The following TPM4 variants were observed in gnomAD, a reference collection of about 807,000 sequenced individuals.
TPM4 encodes the protein tropomyosin alpha-4 chain.
Under a neutral mutation model 35.8 loss-of-function variants are expected in TPM4, and 17 were observed. That is an observed-to-expected ratio of 0.47 (90% CI 0.32 to 0.71). The LOEUF is 0.71. Ranked by LOEUF, TPM4 falls within the 30% of genes least tolerant of loss-of-function variation. The pLI, the probability that TPM4 is intolerant of heterozygous loss-of-function variation, is 0.03. For synonymous variants in TPM4, 120 were observed against 122.9 expected (o/e 0.98, Z 0.15); for missense variants, 240 against 320.9 (o/e 0.75, Z 1.93).
At chr19:16,073,963 C>CAAAAAAA (rs34116610), upstream of TPM4, among the ~76,000 whole-genome samples, 2 of 71,886 alleles carry the variant, frequency 2.8e-5, no homozygotes, top group African/African-American at 5.7e-5. Flanking sequence ...AAAAAAAACG[C>CAAAAAAA]AAAAAAAAAA....
intron 7 of TPM4, among the ~76,000 whole-genome samples, chr19:16,094,201 A>G (rs985504992): frequency 5.3e-5 from 8 of 152,022 alleles, no homozygotes; most frequent in African/African-American, 1.9e-4. Context: ...TAGAGAAAAG[A>G]GTATGGCTCT....
chr19:16,099,082 G>GTGTGTGTT (rs1340151146), intron 7 of TPM4, among the ~76,000 whole-genome samples: 10 of 151,486 alleles, frequency 6.6e-5, no homozygotes, highest in African/African-American at 9.7e-5. Flanking sequence ...GTGTGTGTGT[G>GTGTGTGTT]TGTGTGTGTG....
chr19:16,078,284 C>T, intron 1 of TPM4: 1 of 393,514 alleles, frequency 2.5e-6, no homozygotes, highest in Non-Finnish European at 4.5e-6. Context: ...GACTCAGAGG[C>T]AAGAAAGTTG....
chr19:16,088,127 TGG>T, intron 4 of TPM4, 30 bp downstream of exon 4: 1 of 1,598,422 alleles, frequency 6.3e-7, no homozygotes. Flanking sequence ...TGAGCGAGGC[TGG>T]CTCGATTCCT....
At chr19:16,078,700 G>A (rs937527161) in intron 1 of TPM4, among the ~76,000 whole-genome samples, 1 of 152,180 alleles carries the variant, frequency 6.6e-6, no homozygotes, top group African/African-American at 2.4e-5. Context: ...TGGGAGAGAA[G>A]ATGTTTTTGG....
intron 2 of TPM4, among the ~76,000 whole-genome samples, chr19:16,084,100 TGTATTTTTA>T (rs1294668113): frequency 6.6e-6 from 1 of 152,194 alleles, no homozygotes; most frequent in Non-Finnish European, 1.5e-5. Context: ...CTAATTTTTT[TGTATTTTTA>T]GTAGAGACAG....
chr19:16,087,605 A>G (rs1365521572), intron 3 of TPM4, among the ~76,000 whole-genome samples: 4 of 149,278 alleles, frequency 2.7e-5, no homozygotes, highest in Non-Finnish European at 6.0e-5. Flanking sequence ...AAAAGAGGCC[A>G]GGTGTGGTGG....
chr19:16,096,195 C>T (rs1436485670), intron 7 of TPM4, among the ~76,000 whole-genome samples: 1 of 152,144 alleles, frequency 6.6e-6, no homozygotes, highest in Non-Finnish European at 1.5e-5. Flanking sequence ...TCCCAAAGTG[C>T]AGGGATTACA....
In TPM4 at chr19:16,067,939, C is replaced by T. The variant is rs2090314555; in HGVS notation, c.114+201C>T. ...AAGAGGGGTGACGATCGGACCCACC[C>T]CCAGCAGGGCCAGTGCGAACAAAGT... On this transcript the variant is annotated intron_variant, in intron 2 of 2. Coordinates refer to the TPM4 transcript ENST00000589897. The surrounding 1 kb of genome is among the most constrained non-coding windows in gnomAD (Gnocchi z 4.1). 1 of 529,070 alleles carries T rather than the reference C, an allele frequency of 1.9e-6. No individual in the cohort carries two copies. The highest frequency in any genetic ancestry group is 3.9e-5 in the Admixed American group (1 of 25,828). The allele number at this position is 529,070 out of a possible 1,614,324, so 32.8% of individuals were successfully genotyped here.
intron 5 of TPM4, among the ~76,000 whole-genome samples, chr19:16,091,052 C>CTTTGT (rs369390461): frequency 2.6e-5 from 4 of 151,920 alleles, no homozygotes; most frequent in East Asian, 3.9e-4. Context: ...ACCTCAGCTG[C>CTTTGT]TTTGTTTTGT....
At chr19:16,084,478 C>G (rs945181945) in intron 2 of TPM4, among the ~76,000 whole-genome samples, 12 of 152,222 alleles carry the variant, frequency 7.9e-5, no homozygotes, top group African/African-American at 2.9e-4. Flanking sequence ...AGCTGCTGTT[C>G]ACAGTCAGAC....
intron 2 of TPM4, among the ~76,000 whole-genome samples, chr19:16,068,252 A>T (rs143741624): frequency 0.011 from 1,692 of 151,388 alleles, 40 homozygotes; most frequent in African/African-American, 0.039. Flanking sequence ...ATCTCGGATC[A>T]CTGCAACCTC....
At chr19:16,075,776 C>G (rs1020017088), upstream of TPM4, 15 of 373,938 alleles carry the variant, frequency 4.0e-5, no homozygotes, top group Admixed American at 6.0e-4. Flanking sequence ...TTCAGTTTCC[C>G]AAAAGCTGCC....
chr19:16,090,584 C>A (rs752758973), intron 5 of TPM4, among the ~76,000 whole-genome samples: 1 of 152,194 alleles, frequency 6.6e-6, no homozygotes, highest in Non-Finnish European at 1.5e-5. Context: ...TCTGCTTAAA[C>A]ATCACTTCTG....
At position 16,082,459 on chromosome 19, in the gene TPM4, C is replaced by T. The variant is rs540294789; in HGVS notation, c.266+413C>T. ...CCAGGAGGCAGAGGCTGCAGTGAGC[C>T]GAGATCGTGCCATTGCACTCCAGCC... On this transcript the variant is annotated intron_variant, in intron 2 of 7. Coordinates refer to ENST00000643579, the MANE Select transcript of TPM4 (RefSeq NM_003290.3). Among the ~76,000 whole-genome samples the T allele has an allele frequency of 1.4e-4, 21 of 152,296 alleles. No homozygotes were observed. In the East Asian group the frequency reaches 4.1e-3, roughly 29 times the overall value.
At chr19:16,095,080 A>C (rs2090677820) in intron 7 of TPM4, among the ~76,000 whole-genome samples, 1 of 151,882 alleles carries the variant, frequency 6.6e-6, no homozygotes. Flanking sequence ...TTAGAGATCA[A>C]CTCCATAGAT....
chr19:16,086,234 C>T (rs1206142073), intron 2 of TPM4, among the ~76,000 whole-genome samples, 189 bp from the exon 3 acceptor site: 1 of 151,744 alleles, frequency 6.6e-6, no homozygotes, highest in Non-Finnish European at 1.5e-5. Flanking sequence ...CCTGTAATTC[C>T]AGCTACTCAG....
intron 1 of TPM4, among the ~76,000 whole-genome samples, chr19:16,077,761 GT>G (rs1221862616): frequency 6.6e-6 from 1 of 151,896 alleles, no homozygotes; most frequent in East Asian, 1.9e-4. Flanking sequence ...TTGTGTTGTT[GT>G]TTTTTGTTGT....
chr19:16,095,437 G>A (rs1284755025), intron 7 of TPM4: 3 of 1,028,516 alleles, frequency 2.9e-6, no homozygotes, highest in Non-Finnish European at 3.5e-6. Context: ...CTGCCTTCTG[G>A]TTTGAACGTC....
Sources: gnomAD v4.1 joint callset for allele counts (sites outside exome capture counted in the v4.1 genomes callset) on GRCh38, gnomAD v4.1.1 for gene constraint, Gnocchi (gnomAD v3.1) non-coding constraint, MANE v1.5 for transcripts, NCBI Gene and HGNC (gene_info 2026-07-23, HGNC 2026-07-21) for gene names.